The following PSKH2 variants were observed in gnomAD, a reference collection of about 807,000 sequenced individuals.
PSKH2 encodes the protein protein serine kinase H2, also known as serine/threonine-protein kinase H2.
Under a neutral mutation model 22.5 loss-of-function variants are expected in PSKH2, and 16 were observed. That is an observed-to-expected ratio of 0.71 (90% CI 0.48 to 1.08). PSKH2 has a LOEUF of 1.08. PSKH2 is among the 50% of genes least tolerant of loss of function. The pLI is 0.00. For missense variants in PSKH2, 516 were observed against 492.8 expected, an observed-to-expected ratio of 1.05 and a Z score of -0.44; for synonymous variants, 188 against 184.8, an observed-to-expected ratio of 1.02 and a Z score of -0.14.
At chr8:86,058,262 GA>G (rs904129545) in intron 2 of PSKH2, among the ~76,000 whole-genome samples, 5 of 152,046 alleles carry the variant, frequency 3.3e-5, no homozygotes, top group East Asian at 3.9e-4. Context: ...CAGCATTGCA[GA>G]AAAAAACTAG....
At chr8:86,050,207 G>A (rs1410164778) in intron 2 of PSKH2, among the ~76,000 whole-genome samples, 1 of 65,472 alleles carries the variant, frequency 1.5e-5, no homozygotes, top group African/African-American at 7.9e-5. Context: ...ATTATCTGCT[G>A]AGAAAGAAAA....
intron 1 of PSKH2, among the ~76,000 whole-genome samples, chr8:86,066,040 T>C (rs1282027870): frequency 1.3e-5 from 2 of 152,020 alleles, no homozygotes; most frequent in Non-Finnish European, 2.9e-5. Flanking sequence ...TTAAGACATG[T>C]TGAGAAAATG....
In PSKH2 at chr8:86,052,874, T is replaced by C. The variant is rs1038858249; in HGVS notation, c.853-4107A>G. 3.9e-5 allele frequency among the ~76,000 whole-genome samples: 6 copies of C among 152,338 alleles called. No homozygotes were observed. In the East Asian group the frequency reaches 5.8e-4, roughly 15 times the overall value. ...GCCTTTTTCCCCTTTTCTTCTTTCT[T>C]CCTCTGGTTCTTTGCCTATTTTTCT... On this transcript the variant is annotated intron_variant, in intron 2 of 2. Transcript: ENST00000276616.
chr8:86,065,742 G>A (rs1022778542), intron 1 of PSKH2, among the ~76,000 whole-genome samples: 3 of 152,124 alleles, frequency 2.0e-5, no homozygotes, highest in African/African-American at 4.8e-5. Context: ...GGAGGCCGAG[G>A]TGGGAAGACT....
intron 2 of PSKH2, among the ~76,000 whole-genome samples, chr8:86,054,182 G>A (rs948983051): frequency 2.0e-5 from 3 of 150,646 alleles, no homozygotes; most frequent in Non-Finnish European, 4.4e-5. Flanking sequence ...TGAAGTATAG[G>A]ACAATTATTG....
In PSKH2 at chr8:86,064,272, C is replaced by T. The variant is rs764216224; in HGVS notation, c.545G>A (p.Arg182Lys). The T allele has an allele frequency of 6.2e-7, 1 of 1,614,138 alleles. No homozygotes were observed. The highest frequency in any genetic ancestry group is 8.5e-7 in the Non-Finnish European group (1 of 1,180,020). ...RYLHALQITH[R>K]NLKPENLLYY... ...TAAGAGGTTTTCAGGCTTTAGATTC[C>T]TATGAGTTATCTGCAGCGCATGCAA... Residue 182 changes from arginine to lysine, a missense_variant, in exon 2 of 3, where the codon AGG (arginine) becomes AAG (lysine). By Grantham distance (26) the Arg-to-Lys change is conservative (BLOSUM62 2). Transcript: ENST00000276616.
chr8:86,063,654 G>A (rs778185167), intron 2 of PSKH2, among the ~76,000 whole-genome samples: 2 of 152,216 alleles, frequency 1.3e-5, no homozygotes, highest in Non-Finnish European at 2.9e-5. Context: ...TTATCTACTT[G>A]ATTGTCAGTG....
chr8:86,057,339 T>G (rs546262659), intron 2 of PSKH2, among the ~76,000 whole-genome samples: 92 of 148,906 alleles, frequency 6.2e-4, no homozygotes, highest in African/African-American at 2.1e-3. Context: ...AGCTCTAAAG[T>G]TTTTTTTTGT....
chr8:86,054,842 C>G (rs191339427), intron 2 of PSKH2, among the ~76,000 whole-genome samples: 1 of 152,112 alleles, frequency 6.6e-6, no homozygotes, highest in African/African-American at 2.4e-5. Flanking sequence ...TTTCTTTACT[C>G]ATAAGGAAAA....
At chr8:86,069,673 A>G, upstream of PSKH2, 5 of 1,455,560 alleles carry the variant, frequency 3.4e-6, no homozygotes, top group Non-Finnish European at 4.5e-6. Context: ...GGAAGCAGCC[A>G]GCCCCGTTCC....
At chr8:86,057,688 C>A (rs1257522692) in intron 2 of PSKH2, among the ~76,000 whole-genome samples, 2 of 152,166 alleles carry the variant, frequency 1.3e-5, no homozygotes, top group South Asian at 4.1e-4. Context: ...CCATTCCTGG[C>A]CTAAAGTTTT....
chr8:86,063,733 G>T (rs1586064803), intron 2 of PSKH2, among the ~76,000 whole-genome samples: 1 of 152,196 alleles, frequency 6.6e-6, no homozygotes, highest in Non-Finnish European at 1.5e-5. Context: ...CTCTCAGTCA[G>T]GGGCGATTTT....
At chr8:86,064,854 A>G (rs1365343347) in intron 1 of PSKH2, among the ~76,000 whole-genome samples, 2 of 152,198 alleles carry the variant, frequency 1.3e-5, no homozygotes, top group African/African-American at 2.4e-5. Context: ...GACAATCTTA[A>G]TACAATAACT....
At chr8:86,064,782 G>A (rs1817835876) in intron 1 of PSKH2, 151 bp from the exon 2 acceptor site, 2 of 697,674 alleles carry the variant, frequency 2.9e-6, no homozygotes, top group African/African-American at 1.8e-5. Flanking sequence ...TTTTTTGAAA[G>A]GTACCCCAAA....
At chr8:86,069,749 C>T, upstream of PSKH2, 1 of 1,135,102 alleles carries the variant, frequency 8.8e-7, no homozygotes, top group South Asian at 1.9e-5. Flanking sequence ...ACTGGGGGGT[C>T]GTGGTCAGGG....
chr8:86,052,849 G>C (rs962550707), intron 2 of PSKH2, among the ~76,000 whole-genome samples: 1 of 152,018 alleles, frequency 6.6e-6, no homozygotes, highest in Non-Finnish European at 1.5e-5. Flanking sequence ...GATATTTCAG[G>C]CCTTTTTCCC....
At chr8:86,051,613 G>T (rs1002065038) in intron 2 of PSKH2, among the ~76,000 whole-genome samples, 18 of 152,162 alleles carry the variant, frequency 1.2e-4, no homozygotes, top group African/African-American at 3.6e-4. Context: ...ATGCCCTCTG[G>T]TTCTGGCTAG....
At chr8:86,064,741 T>G (rs775050924) in intron 1 of PSKH2, 110 bp from the exon 2 acceptor site, 2 of 851,868 alleles carry the variant, frequency 2.3e-6, no homozygotes, top group Non-Finnish European at 3.6e-6. Flanking sequence ...TCCCATCAGA[T>G]TTATTTGTTT....
At chr8:86,049,575 GGAGAGA>G (rs10648162) in intron 2 of PSKH2, among the ~76,000 whole-genome samples, 3 of 127,048 alleles carry the variant, frequency 2.4e-5, no homozygotes, top group Admixed American at 8.3e-5. Context: ...GAAAGAAAGA[GGAGAGA>G]GAGAGAGAGA....
Sources: allele counts gnomAD v4.1 joint callset (sites outside exome capture counted in the v4.1 genomes callset), GRCh38; gene constraint gnomAD v4.1.1; transcripts MANE v1.5; gene names NCBI Gene and HGNC (gene_info 2026-07-23, HGNC 2026-07-21).